CAP1: variants seen among roughly 807,000 people sequenced by gnomAD.
CAP1 encodes the protein cyclase associated actin cytoskeleton regulatory protein 1.
A neutral mutation model predicts 58.2 loss-of-function variants in CAP1; 11 were observed. The ratio of observed to expected loss-of-function variants is 0.19; its 90% CI spans 0.12 to 0.31. The LOEUF (loss-of-function observed/expected upper bound fraction) is 0.31, where lower values mean the gene tolerates loss of function less well. Ranked by LOEUF, CAP1 falls within the 10% of genes least tolerant of loss-of-function variation. The pLI is 1.00. For missense variants in CAP1, 423 were observed against 587.5 expected (o/e 0.72, Z 2.89); for synonymous variants, 183 against 213.8 (o/e 0.86, Z 1.26).
In CAP1 at chr1:40,069,949, G is replaced by A. The variant is rs147610875; in HGVS notation, c.993+75G>A. ...TTTTGAGATGGAGTTTCACTTTGTC[G>A]CCCAGGCTGGAGTGCAGTGGCGCGA... On this transcript the variant is annotated intron_variant, in intron 9 of 12. Coordinates refer to ENST00000372805, the MANE Select transcript of CAP1 (RefSeq NM_006367.4). 1.5e-3 allele frequency: 2,129 copies of A among 1,454,256 alleles called. 32 individuals carry two copies. In the African/African-American group the frequency reaches 0.028, roughly 19 times the overall value. 90.1% of individuals were successfully genotyped at this position (1,454,256 alleles called of 1,614,324 possible).
chr1:40,047,562 A>G (rs1170291078), intron 1 of CAP1, among the ~76,000 whole-genome samples: 1 of 152,230 alleles, frequency 6.6e-6, no homozygotes, highest in Non-Finnish European at 1.5e-5. Context: ...TCATCCTTGA[A>G]TCCATCTTTA....
At chr1:40,049,632 G>A (rs1242958240) in intron 1 of CAP1, among the ~76,000 whole-genome samples, 3 of 152,012 alleles carry the variant, frequency 2.0e-5, no homozygotes, top group Admixed American at 1.3e-4. Flanking sequence ...ACAGTTCTTT[G>A]CCAATGATTT....
intron 8 of CAP1, among the ~76,000 whole-genome samples, chr1:40,067,987 G>A (rs1647177652): frequency 6.6e-6 from 1 of 152,228 alleles, no homozygotes; most frequent in African/African-American, 2.4e-5. Context: ...CAGAGCTGGC[G>A]GTTTTCCCCA....
intron 1 of CAP1, among the ~76,000 whole-genome samples, chr1:40,049,971 G>A (rs556031142): frequency 2.0e-5 from 3 of 152,280 alleles, no homozygotes; most frequent in African/African-American, 7.2e-5. Context: ...ACCAAGATTC[G>A]TGGGTGGAAG....
chr1:40,056,177 T>G (rs1482579100), intron 1 of CAP1, among the ~76,000 whole-genome samples: 1 of 152,222 alleles, frequency 6.6e-6, no homozygotes, highest in Non-Finnish European at 1.5e-5. Context: ...TTCCAGTTAC[T>G]GACTTGATCA....
At position 40,071,922 on chromosome 1, in the gene CAP1, T is replaced by A; in HGVS notation, c.*389T>A. The A allele has an allele frequency of 2.4e-6, 1 of 412,126 alleles. No individual in the cohort carries two copies. The highest frequency in any genetic ancestry group is 4.3e-6 in the Non-Finnish European group (1 of 232,798). The allele number at this position is 412,126 out of a possible 1,614,324, so 25.5% of individuals were successfully genotyped here. A position where few individuals can be genotyped will look rare whatever the true frequency, so the allele number is the denominator to read the frequency against. Reference sequence around the variant, plus strand: ...ATGTTCACACTGGTTAATCTTTTTTTAACAATGAGCATGAAGGTAGCAGAA... The same window carrying A: ...ATGTTCACACTGGTTAATCTTTTTTAAACAATGAGCATGAAGGTAGCAGAA... On this transcript the variant is annotated 3_prime_UTR_variant, in exon 13 of 13. Transcript: ENST00000372805.
chr1:40,058,515 C>T (rs1646708765), intron 1 of CAP1, among the ~76,000 whole-genome samples: 1 of 151,996 alleles, frequency 6.6e-6, no homozygotes, highest in South Asian at 2.1e-4. Flanking sequence ...TACTTGAGGT[C>T]AAGAGTTCAA....
chr1:40,046,738 G>T (rs1479783444), intron 1 of CAP1, among the ~76,000 whole-genome samples: 1 of 151,248 alleles, frequency 6.6e-6, no homozygotes, highest in Non-Finnish European at 1.5e-5. Context: ...ACTGTAGGCA[G>T]TTTGTAACAC....
chr1:40,059,761 A>C (rs1298584870), intron 2 of CAP1, among the ~76,000 whole-genome samples: 1 of 152,208 alleles, frequency 6.6e-6, no homozygotes, highest in Non-Finnish European at 1.5e-5. Flanking sequence ...ACAATTGGCA[A>C]ATTGGACATT....
chr1:40,064,172 T>C (rs1269912946), intron 4 of CAP1, 55 bp from the exon 5 acceptor site: 2 of 1,586,734 alleles, frequency 1.3e-6, no homozygotes, highest in Admixed American at 1.7e-5. Flanking sequence ...TCAGAAGGCA[T>C]AGACACCTTT....
At chr1:40,066,341 T>G in intron 7 of CAP1, 21 bp downstream of exon 7, 1 of 1,067,594 alleles carries the variant, frequency 9.4e-7, no homozygotes, top group Non-Finnish European at 1.4e-6. Context: ...CCTTCCTCCC[T>G]CCCTCCCTCC....
At chr1:40,065,130 G>A (rs1570413967) in intron 6 of CAP1, among the ~76,000 whole-genome samples, 1 of 152,246 alleles carries the variant, frequency 6.6e-6, no homozygotes, top group South Asian at 2.1e-4. Flanking sequence ...TTTGCTGGCA[G>A]TAACATGGAC....
chr1:40,061,460 G>A (rs1470580624), intron 3 of CAP1, among the ~76,000 whole-genome samples: 1 of 152,206 alleles, frequency 6.6e-6, no homozygotes, highest in Non-Finnish European at 1.5e-5. Flanking sequence ...GTATCACAAT[G>A]CATGTGTAAG....
chr1:40,066,409 A>G lies in CAP1; in HGVS notation c.630+89A>G, dbSNP rs1313367130. 1.3e-5 allele frequency: 9 copies of G among 706,110 alleles called. No homozygotes were observed. The Admixed American group carries it at 2.0e-4, about 15-fold the overall frequency. 43.7% of individuals were successfully genotyped at this position (706,110 alleles called of 1,614,324 possible). A position where few individuals can be genotyped will look rare whatever the true frequency, so the allele number is the denominator to read the frequency against. On this transcript the variant is annotated intron_variant, in intron 7 of 12. Transcript: ENST00000372805. ...AGGTTTCTTAGACTTCAGCACTACC[A>G]AAGTCTGTGAGGGAATGCTAGTTTT... is the stretch of plus-strand genomic sequence containing the variant.
chr1:40,063,644 T>C (rs902457436), intron 4 of CAP1, among the ~76,000 whole-genome samples: 1 of 152,250 alleles, frequency 6.6e-6, no homozygotes, highest in African/African-American at 2.4e-5. Context: ...GATTCATCAG[T>C]TCTTTACAGC....
intron 1 of CAP1, among the ~76,000 whole-genome samples, chr1:40,046,586 A>G (rs892022862): frequency 5.3e-5 from 8 of 152,188 alleles, no homozygotes; most frequent in African/African-American, 1.9e-4. Flanking sequence ...TGACAGGTAC[A>G]TTCTGAGAAA....
chr1:40,044,416 C>G (rs1645986648), intron 1 of CAP1, among the ~76,000 whole-genome samples: 1 of 152,164 alleles, frequency 6.6e-6, no homozygotes, highest in Non-Finnish European at 1.5e-5. Flanking sequence ...GTGATTATTA[C>G]TTTGAAATGT....
intron 4 of CAP1, among the ~76,000 whole-genome samples, chr1:40,063,464 A>G (rs976468217): frequency 6.6e-6 from 1 of 152,216 alleles, no homozygotes; most frequent in Admixed American, 6.5e-5. Context: ...GGCGTGAGCC[A>G]CCATGCCTGG....
In CAP1 at chr1:40,059,321, T is replaced by G; in HGVS notation, c.-10-16T>G. On this transcript the variant is annotated splice_polypyrimidine_tract_variant and intron_variant, in intron 1 of 12. Transcript: ENST00000372805. ...TAATATTTAAATAACAAATGACATT[T>G]GATCTGTTTCAGCAGGTGGTCCATT... The G allele has an allele frequency of 7.4e-7, 1 of 1,354,092 alleles. No individual in the cohort carries two copies. Among genetic ancestry groups the G allele is most frequent in the Non-Finnish European group, 1.1e-6 (1 of 942,882 alleles). 83.9% of individuals were successfully genotyped at this position (1,354,092 alleles called of 1,614,324 possible). A position where few individuals can be genotyped will look rare whatever the true frequency, so the allele number is the denominator to read the frequency against.
Sources: allele counts gnomAD v4.1 joint callset (sites outside exome capture counted in the v4.1 genomes callset), GRCh38; gene constraint gnomAD v4.1.1; transcripts MANE v1.5; gene names NCBI Gene and HGNC (gene_info 2026-07-23, HGNC 2026-07-21).